Variants in APC observed in about 807,000 individuals in gnomAD.
The protein encoded by APC is APC regulator of Wnt signaling pathway.
A neutral mutation model predicts 247.0 loss-of-function variants in APC; 72 were observed. The observed-to-expected ratio is 0.29, with a 90% CI of 0.24 to 0.35. The LOEUF (loss-of-function observed/expected upper bound fraction) is 0.35, where lower values mean the gene tolerates loss of function less well. Among genes scored for constraint, APC ranks in the 10% least tolerant of loss-of-function variants. APC has a pLI of 1.00. For synonymous variants in APC, 1,254 were observed against 1,162.5 expected (o/e 1.08, Z -1.60); for missense variants, 3,400 against 3,360.7 (o/e 1.01, Z -0.29).
At chr5:112,822,993 G>A (rs949692177) in intron 11 of APC, among the ~76,000 whole-genome samples, 4 of 152,174 alleles carry the variant, frequency 2.6e-5, no homozygotes, top group Non-Finnish European at 4.4e-5. Context: ...TCCTAGTGGT[G>A]TAGCAATTGG....
At chr5:112,798,284 A>C (rs1042157820) in intron 7 of APC, among the ~76,000 whole-genome samples, 1 of 152,248 alleles carries the variant, frequency 6.6e-6, no homozygotes, top group African/African-American at 2.4e-5. Flanking sequence ...TATAACATGG[A>C]TGAACCTCCA....
intron 14 of APC, among the ~76,000 whole-genome samples, chr5:112,830,774 G>A (rs1764208756): frequency 1.3e-5 from 2 of 152,314 alleles, no homozygotes; most frequent in South Asian, 2.1e-4. Flanking sequence ...TGGTGGCCTG[G>A]GGTTGGGAGT....
At chr5:112,833,749 G>A (rs1309742256) in intron 14 of APC, among the ~76,000 whole-genome samples, 1 of 152,064 alleles carries the variant, frequency 6.6e-6, no homozygotes, top group Non-Finnish European at 1.5e-5. Context: ...TTGTTATGTG[G>A]GGAATTTTAA....
chr5:112,827,267 A>G lies in APC; in HGVS notation c.1548+20A>G, dbSNP rs1186600458. The G allele has an allele frequency of 1.9e-6, 3 of 1,613,158 alleles. No homozygotes were observed. Among genetic ancestry groups the G allele is most frequent in the East Asian group, 2.2e-5 (1 of 44,812 alleles). On this transcript the variant is annotated intron_variant, in intron 12 of 15. Transcript: ENST00000257430. ...AACAAGGTATGTTTTTATAACATGT[A>G]TTTCTTAAGATAGCTCAGGTATGAG...
At chr5:112,834,061 C>T (rs938284900) in intron 14 of APC, among the ~76,000 whole-genome samples, 1 of 151,858 alleles carries the variant, frequency 6.6e-6, no homozygotes, top group African/African-American at 2.4e-5. Flanking sequence ...AAGTGATCCT[C>T]CCAAGCAGCT....
Position 112,795,739 on chromosome 5 carries a change from C to T in APC, c.729+3210C>T, listed in dbSNP as rs541562493. On this transcript the variant is annotated intron_variant, in intron 7 of 15. Transcript: ENST00000257430. ...AGACACTTTTAGATAGGCAAAGTGT[C>T]AAATACGTTTTTCTCATGCACCCTT... 1.4e-3 allele frequency among the ~76,000 whole-genome samples: 213 copies of T among 152,286 alleles called. 3 individuals are homozygous for T. The highest frequency in any genetic ancestry group is 5.0e-3 in the African/African-American group (208 of 41,562).
intron 15 of APC, among the ~76,000 whole-genome samples, 162 bp from the exon 16 acceptor site, chr5:112,837,391 T>G (rs1765047840): frequency 7.7e-6 from 1 of 129,228 alleles, no homozygotes; most frequent in Non-Finnish European, 1.7e-5. Context: ...CTTTAAAACA[T>G]TAAACATTAC....
chr5:112,784,628 C>T lies in APC; in HGVS notation c.645+3725C>T, dbSNP rs187966501. Among the ~76,000 whole-genome samples the T allele has an allele frequency of 3.0e-3, 458 of 152,182 alleles. 1 individual carries two copies. Among genetic ancestry groups the T allele is most frequent in the African/African-American group, 0.011 (440 of 41,516 alleles). The stretch of plus-strand genomic sequence containing the variant: ...ATATGGTAGCCAAAGCACTCCTTTC[C>T]CTCCTAACTCCCTGCTTGGGTGATT... On this transcript the variant is annotated intron_variant, in intron 6 of 15. Coordinates refer to ENST00000257430, the MANE Select transcript of APC (RefSeq NM_000038.6).
chr5:112,716,444 G>T (rs1169669693), intron 1 of APC, among the ~76,000 whole-genome samples: 1 of 152,048 alleles, frequency 6.6e-6, no homozygotes, highest in Non-Finnish European at 1.5e-5. Flanking sequence ...AACATACTCT[G>T]TTTCAAAGGC....
At position 112,828,161 on chromosome 5, in the gene APC, G is replaced by A. The variant is rs544296427; in HGVS notation, c.1626+155G>A. Among the ~76,000 whole-genome samples the A allele has an allele frequency of 8.5e-5, 13 of 152,130 alleles. No individual in the cohort carries two copies. The South Asian group carries it at 1.2e-3, about 15-fold the overall frequency. On this transcript the variant is annotated intron_variant, in intron 13 of 15. Transcript: ENST00000257430. ...AGCAATCCTCCCACTTCAGCCTCTCGAGGCTGGGCCTACAGGTGCACACCA... is the reference window on the plus strand; with the variant it reads ...AGCAATCCTCCCACTTCAGCCTCTCAAGGCTGGGCCTACAGGTGCACACCA...
At position 112,842,972 on chromosome 5, in the gene APC, G is replaced by C. The variant is rs771929461; in HGVS notation, c.7378G>C (p.Ala2460Pro). The change falls in exon 16 of 16, where the codon GCT becomes CCT. Residue 2460 changes from alanine (A) to proline (P), a missense_variant. Physicochemically the swap from Ala to Pro is conservative, Grantham distance 27. Transcript: ENST00000257430. ...CTTAAGAAGAAAATTGGAGGAATCT[G>C]CTTCATTTGAATCTCTTTCTCCATC... Reference protein sequence around the residue: ...PTLRRKLEESASFESLSPSSR... With the variant: ...PTLRRKLEESPSFESLSPSSR... 1.9e-5 allele frequency: 31 copies of C among 1,613,938 alleles called. No individual in the cohort carries two copies. The highest frequency in any genetic ancestry group is 8.3e-5 in the Admixed American group (5 of 59,992).
chr5:112,708,369 G>A (rs1750654562), intron 1 of APC, among the ~76,000 whole-genome samples: 2 of 152,230 alleles, frequency 1.3e-5, no homozygotes, highest in Admixed American at 1.3e-4. Context: ...GTCCCCAGGA[G>A]CCTTGGATGG....
At chr5:112,817,098 G>C (rs1470253252) in intron 9 of APC, among the ~76,000 whole-genome samples, 1 of 152,044 alleles carries the variant, frequency 6.6e-6, no homozygotes, top group East Asian at 1.9e-4. Context: ...TCGAACTCCT[G>C]ATCTCAGGTG....
intron 8 of APC, among the ~76,000 whole-genome samples, chr5:112,802,704 C>A (rs1275155115): frequency 1.3e-5 from 2 of 151,880 alleles, no homozygotes; most frequent in Non-Finnish European, 2.9e-5. Flanking sequence ...TTTTTATAAT[C>A]ATGATGTAGG....
At chr5:112,716,864 T>C (rs1028452774) in intron 1 of APC, among the ~76,000 whole-genome samples, 4 of 152,230 alleles carry the variant, frequency 2.6e-5, no homozygotes, top group Non-Finnish European at 5.9e-5. Flanking sequence ...TATTATAGTT[T>C]GATCTTCTTT....
chr5:112,776,401 G>A (rs1253940644), intron 5 of APC, among the ~76,000 whole-genome samples: 1 of 152,202 alleles, frequency 6.6e-6, no homozygotes, highest in Admixed American at 6.5e-5. Flanking sequence ...TTAGATTACA[G>A]AAGTTTGTTC....
At chr5:112,818,768 G>T (rs1218838750) in intron 9 of APC, among the ~76,000 whole-genome samples, 198 bp from the exon 10 acceptor site, 1 of 150,386 alleles carries the variant, frequency 6.6e-6, no homozygotes, top group Non-Finnish European at 1.5e-5. Context: ...TAAACAAATT[G>T]GTGATGATAC....
rs1382651264 is a variant in APC at position 112,845,121 on chromosome 5, TAAA to T, written c.*998_*1000del. 1 of 232,382 alleles carries T rather than the reference TAAA, an allele frequency of 4.3e-6. No homozygotes were observed. Among genetic ancestry groups the T allele is most frequent in the East Asian group, 6.1e-5 (1 of 16,344 alleles). 14.4% of individuals were successfully genotyped at this position (232,382 alleles called of 1,614,324 possible). A position where few individuals can be genotyped will look rare whatever the true frequency, so the allele number is the denominator to read the frequency against. ...AAGAGTAAAATTCCTCTTACTGTAATAAAAACAATTGAAGAAGACTGTTGCCAC... is the reference window on the plus strand; with the variant it reads ...AAGAGTAAAATTCCTCTTACTGTAATAACAATTGAAGAAGACTGTTGCCAC... On this transcript the variant is annotated 3_prime_UTR_variant, in exon 16 of 16. Coordinates refer to ENST00000257430, the MANE Select transcript of APC (RefSeq NM_000038.6).
Position 112,841,797 on chromosome 5 carries a change from T to C in APC, c.6203T>C (p.Met2068Thr), listed in dbSNP as rs863224547. Residue 2068 changes from methionine (M) to threonine (T), a missense_variant, in exon 16 of 16, where the codon ATG becomes ACG. Transcript: ENST00000257430. This position sits in a 1 kb window ranked among gnomAD's most constrained non-coding sequence, Gnocchi z 4.6. ...AATGAAAAACATAGTCCCAGAAATA[T>C]GGGTGGCATATTAGGTGAAGATCTG... ...GDNEKHSPRN[M>T]GGILGEDLTL... is the part of the protein sequence containing the mutation. The C allele has an allele frequency of 1.9e-6, 3 of 1,613,910 alleles. No homozygotes were observed. Among genetic ancestry groups the C allele is most frequent in the African/African-American group, 1.3e-5 (1 of 74,902 alleles).
Sources: allele counts gnomAD v4.1 joint callset (sites outside exome capture counted in the v4.1 genomes callset), GRCh38; gene constraint gnomAD v4.1.1; non-coding constraint Gnocchi (gnomAD v3.1); transcripts MANE v1.5; gene names NCBI Gene and HGNC (gene_info 2026-07-23, HGNC 2026-07-21).